The following ZPBP variants were observed in gnomAD, a reference collection of about 807,000 sequenced individuals.
ZPBP encodes zona pellucida-binding protein 1.
A neutral mutation model predicts 44.8 loss-of-function variants in ZPBP; 26 were observed. The ratio of observed to expected loss-of-function variants is 0.58; its 90% CI spans 0.43 to 0.81. The LOEUF (loss-of-function observed/expected upper bound fraction) is 0.81, where lower values mean the gene tolerates loss of function less well. Among genes scored for constraint, ZPBP ranks in the 30% least tolerant of loss-of-function variants. ZPBP has a pLI of 0.00. For synonymous variants in ZPBP, 174 were observed against 153.2 expected (o/e 1.14, Z -1.00); for missense variants, 409 against 434.0 (o/e 0.94, Z 0.51).
intron 6 of ZPBP, among the ~76,000 whole-genome samples, chr7:50,004,772 G>A (rs923051714): frequency 1.3e-5 from 2 of 151,988 alleles, no homozygotes; most frequent in South Asian, 2.1e-4. Context: ...ATTAAAATAT[G>A]AAGAAATATG....
Position 50,050,788 on chromosome 7 carries a change from CAAAAAAAAAAA to C in ZPBP, c.487+7190_487+7200del, listed in dbSNP as rs751875216. Among the ~76,000 whole-genome samples the C allele has an allele frequency of 1.1e-4, 3 of 26,846 alleles. No individual in the cohort carries two copies. In the Admixed American group the frequency reaches 1.5e-3, roughly 14 times the overall value. The allele number at this position is 26,846 out of a possible 152,430, so 17.6% of individuals were successfully genotyped here. A position where few individuals can be genotyped will look rare whatever the true frequency, so the allele number is the denominator to read the frequency against. On this transcript the variant is annotated intron_variant, in intron 4 of 7. Coordinates refer to ENST00000046087, the MANE Select transcript of ZPBP (RefSeq NM_007009.3). The stretch of plus-strand genomic sequence containing the variant: ...TGGACGACAGAGCGAGACTCCGTCT[CAAAAAAAAAAA>C]AAAAAAAAAAAAAAACCTAAAATTA...
At chr7:49,946,392 C>T (rs1333062241) in intron 7 of ZPBP, among the ~76,000 whole-genome samples, 1 of 152,088 alleles carries the variant, frequency 6.6e-6, no homozygotes, top group Non-Finnish European at 1.5e-5. Flanking sequence ...GTGATGAAAT[C>T]CCTCAGCTTT....
At chr7:50,074,591 T>C (rs1367106015) in intron 3 of ZPBP, among the ~76,000 whole-genome samples, 2 of 151,702 alleles carry the variant, frequency 1.3e-5, no homozygotes, top group Non-Finnish European at 3.0e-5. Context: ...TTCATGCCAA[T>C]GGAGAGCAAA....
intron 7 of ZPBP, among the ~76,000 whole-genome samples, chr7:49,954,344 T>C (rs941274743): frequency 6.6e-6 from 1 of 152,148 alleles, no homozygotes; most frequent in African/African-American, 2.4e-5. Context: ...ATTAAATCCC[T>C]GGAAAAAAAC....
intron 4 of ZPBP, among the ~76,000 whole-genome samples, chr7:50,040,398 C>T (rs761256444): frequency 5.3e-5 from 8 of 152,250 alleles, no homozygotes; most frequent in Non-Finnish European, 7.4e-5. Flanking sequence ...GGAATAGCTC[C>T]GGTCTGCAGT....
At chr7:49,988,311 C>G (rs961252403) in intron 6 of ZPBP, among the ~76,000 whole-genome samples, 1 of 152,072 alleles carries the variant, frequency 6.6e-6, no homozygotes, top group Non-Finnish European at 1.5e-5. Context: ...TCAAATCAAA[C>G]CTCAGTTTCA....
intron 4 of ZPBP, among the ~76,000 whole-genome samples, chr7:50,038,618 A>T (rs1176885239): frequency 3.9e-5 from 6 of 152,228 alleles, no homozygotes; most frequent in African/African-American, 1.4e-4. Context: ...CCAAGGACAT[A>T]CATCAGAGGC....
At chr7:50,033,744 G>A (rs1291828961) in intron 4 of ZPBP, among the ~76,000 whole-genome samples, 1 of 151,752 alleles carries the variant, frequency 6.6e-6, no homozygotes, top group African/African-American at 2.4e-5. Flanking sequence ...CCAGGCTGGA[G>A]TGCAGCAGCA....
intron 7 of ZPBP, chr7:49,944,312 A>C (rs1054478038): frequency 3.6e-6 from 1 of 274,822 alleles, no homozygotes; most frequent in African/African-American, 2.3e-5. Flanking sequence ...TTGCCTGTAC[A>C]TATTCAGGCC....
chr7:49,906,888 A>G (rs972739719), intron 1 of ZPBP, among the ~76,000 whole-genome samples: 2 of 152,228 alleles, frequency 1.3e-5, no homozygotes, highest in African/African-American at 4.8e-5. Context: ...TTACTAATCA[A>G]TTCCAGCAAT....
chr7:50,009,162 G>T (rs1358059447), intron 6 of ZPBP, among the ~76,000 whole-genome samples: 25 of 149,156 alleles, frequency 1.7e-4, no homozygotes, highest in Admixed American at 1.5e-3. Context: ...ACTTGAACCT[G>T]CTAGGTGGAG....
At chr7:49,888,995 T>C (rs757937523) in intron 2 of ZPBP, among the ~76,000 whole-genome samples, 14 of 152,034 alleles carry the variant, frequency 9.2e-5, no homozygotes, top group African/African-American at 2.7e-4. Flanking sequence ...GGATGACCCA[T>C]TGGGCTGACG....
intron 6 of ZPBP, among the ~76,000 whole-genome samples, chr7:49,988,119 G>T (rs1797397752): frequency 6.6e-6 from 1 of 152,110 alleles, no homozygotes; most frequent in Non-Finnish European, 1.5e-5. Flanking sequence ...AGCATTAAAA[G>T]CATAACAAAA....
At position 49,981,706 on chromosome 7, in the gene ZPBP, ATATAT is replaced by A. The variant is rs1796982973; in HGVS notation, c.961+1631_961+1635del. On this transcript the variant is annotated intron_variant, in intron 7 of 7. Transcript: ENST00000046087. ...ATAATAATATATATAATTATATATAATATATTATATATAATATAAATTATATATGG... is the reference window on the plus strand; with the variant it reads ...ATAATAATATATATAATTATATATAATATATATAATATAAATTATATATGG... Among the ~76,000 whole-genome samples, 3 of 90,188 alleles carry A rather than the reference ATATAT, an allele frequency of 3.3e-5. No individual in the cohort carries two copies. The South Asian group carries it at 9.9e-4, about 30-fold the overall frequency. The allele number at this position is 90,188 out of a possible 152,430, so 59.2% of individuals were successfully genotyped here.
rs199729878 is a variant in ZPBP, at chr7:50,018,280, C to T, written c.743G>A (p.Cys248Tyr). Residue 248 changes from cysteine to tyrosine, a missense_variant, in exon 6 of 8, where the codon TGT becomes TAT. By Grantham distance (194) the Cys-to-Tyr change is radical. Around this residue, in one of 2 missense-constraint regions of ZPBP, gnomAD observed 367 missense variants for 363.1 expected, o/e 1.01. Coordinates refer to ENST00000046087, the MANE Select transcript of ZPBP (RefSeq NM_007009.3). ...GTAAGGTTCACAGTTATGGTCTGTACATCGCTTGGGTCCTTTTTCAGTGTC... is the reference window on the plus strand; with the variant it reads ...GTAAGGTTCACAGTTATGGTCTGTATATCGCTTGGGTCCTTTTTCAGTGTC... ...SLDTEKGPKRCTDHNCEPYKR... is the reference protein window; with the variant it reads ...SLDTEKGPKRYTDHNCEPYKR... The T allele has an allele frequency of 1.0e-4, 166 of 1,610,578 alleles. No individual in the cohort carries two copies. Among genetic ancestry groups the T allele is most frequent in the Non-Finnish European group, 1.1e-4 (125 of 1,178,796 alleles).
At chr7:49,957,052 T>G (rs965552430) in intron 7 of ZPBP, among the ~76,000 whole-genome samples, 1 of 152,122 alleles carries the variant, frequency 6.6e-6, no homozygotes, top group Non-Finnish European at 1.5e-5. Flanking sequence ...TTAATGTCAT[T>G]ATCATGGGGT....
At chr7:49,884,770 G>C (rs1010721874) in intron 2 of ZPBP, among the ~76,000 whole-genome samples, 2 of 150,434 alleles carry the variant, frequency 1.3e-5, no homozygotes, top group African/African-American at 4.9e-5. Flanking sequence ...CATAAACGGG[G>C]AAAAAAATAA....
chr7:49,951,431 A>G (rs1283067730), intron 7 of ZPBP, among the ~76,000 whole-genome samples: 1 of 151,820 alleles, frequency 6.6e-6, no homozygotes, highest in African/African-American at 2.4e-5. Flanking sequence ...AAGATACACA[A>G]ATGGCCACCA....
At chr7:49,856,852 A>G (rs1364472911) in intron 2 of ZPBP, among the ~76,000 whole-genome samples, 2 of 151,960 alleles carry the variant, frequency 1.3e-5, no homozygotes, top group South Asian at 4.2e-4. Context: ...TACTAAAAAT[A>G]CAAAAAATTA....
Sources: gnomAD v4.1 joint callset for allele counts (sites outside exome capture counted in the v4.1 genomes callset) on GRCh38, gnomAD v4.1.1 for gene constraint, gnomAD v4.1.1 regional missense constraint, MANE v1.5 for transcripts, NCBI Gene and HGNC (gene_info 2026-07-23, HGNC 2026-07-21) for gene names.